Variants in TMEM132B observed in about 807,000 individuals in gnomAD.
TMEM132B encodes transmembrane protein 132B.
TMEM132B carries 18 observed loss-of-function variants against 90.8 expected under a neutral mutation model. The ratio of observed to expected loss-of-function variants is 0.20; its 90% CI spans 0.14 to 0.29. The LOEUF is 0.29. Among genes scored for constraint, TMEM132B ranks in the 10% least tolerant of loss-of-function variants. TMEM132B has a pLI of 1.00. For synonymous variants in TMEM132B, 504 were observed against 523.3 expected (o/e 0.96, Z 0.50); for missense variants, 1,096 against 1,326.8 (o/e 0.83, Z 2.70).
chr12:125,385,000 C>T (rs1012035411), intron 2 of TMEM132B, among the ~76,000 whole-genome samples: 2 of 152,128 alleles, frequency 1.3e-5, no homozygotes, highest in Non-Finnish European at 2.9e-5. Flanking sequence ...CCTCTCAGCT[C>T]CCCCAGACCC....
intron 4 of TMEM132B, among the ~76,000 whole-genome samples, chr12:125,538,752 G>A (rs1435828289): frequency 6.6e-6 from 1 of 152,130 alleles, no homozygotes; most frequent in Non-Finnish European, 1.5e-5. Flanking sequence ...GGGTTCAGGA[G>A]GTTCTTCAAG....
chr12:125,190,797 A>T (rs1386436931), intron 1 of TMEM132B, among the ~76,000 whole-genome samples: 3 of 10,016 alleles, frequency 3.0e-4, no homozygotes, highest in Admixed American at 1.2e-3. Flanking sequence ...AGGGGTGGTG[A>T]TGGTGATGGG....
At chr12:125,516,491 T>C (rs1240129038) in intron 3 of TMEM132B, among the ~76,000 whole-genome samples, 1 of 152,230 alleles carries the variant, frequency 6.6e-6, no homozygotes, top group African/African-American at 2.4e-5. Flanking sequence ...TAAAAGAAGC[T>C]CTGCCTTAAT....
chr12:125,322,681 T>A (rs1842518862), intron 1 of TMEM132B, among the ~76,000 whole-genome samples: 1 of 152,206 alleles, frequency 6.6e-6, no homozygotes, highest in Admixed American at 6.5e-5. Flanking sequence ...TGAACAAAAC[T>A]GTTAAAATAT....
chr12:125,396,068 T>C (rs938711312), intron 2 of TMEM132B, among the ~76,000 whole-genome samples: 1 of 152,182 alleles, frequency 6.6e-6, no homozygotes, highest in African/African-American at 2.4e-5. Flanking sequence ...GCCACATACA[T>C]ACCAATCCCT....
At chr12:125,645,796 T>C (rs1043515187) in intron 6 of TMEM132B, among the ~76,000 whole-genome samples, 4 of 152,170 alleles carry the variant, frequency 2.6e-5, no homozygotes, top group Non-Finnish European at 5.9e-5. Context: ...ATGAAGTTTG[T>C]GGTCATTTGT....
In TMEM132B at chr12:125,251,531, C is replaced by A. The variant is rs1398429717; in HGVS notation, c.67+64665C>A. Among the ~76,000 whole-genome samples the A allele has an allele frequency of 2.0e-5, 3 of 152,206 alleles. No homozygotes were observed. Among genetic ancestry groups the A allele is most frequent in the Non-Finnish European group, 2.9e-5 (2 of 68,042 alleles). On this transcript the variant is annotated intron_variant, in intron 1 of 8. Coordinates refer to ENST00000682704, the MANE Select transcript of TMEM132B (RefSeq NM_001366854.1). The surrounding 1 kb of genome is among the most constrained non-coding windows in gnomAD (Gnocchi z 4.4). ...AAGAAATTCGCTGCTCTCTGCCTAT[C>A]TTTGAACTCTTTTGATAGGCACTTG...
intron 1 of TMEM132B, among the ~76,000 whole-genome samples, chr12:125,210,979 G>A (rs555702514): frequency 3.3e-5 from 5 of 151,978 alleles, no homozygotes; most frequent in African/African-American, 9.7e-5. Flanking sequence ...GAAAGTACAG[G>A]AGAATCACTT....
At chr12:125,505,192 A>AC in intron 3 of TMEM132B, among the ~76,000 whole-genome samples, 1 of 148,814 alleles carries the variant, frequency 6.7e-6, no homozygotes, top group African/African-American at 2.5e-5. Context: ...AAAAAAAAAA[A>AC]AAACAGTAAG....
At chr12:125,412,199 G>C (rs1879867910) in intron 2 of TMEM132B, among the ~76,000 whole-genome samples, 1 of 152,182 alleles carries the variant, frequency 6.6e-6, no homozygotes, top group South Asian at 2.1e-4. Context: ...TCAATTCAGA[G>C]CTGATGAATG....
At chr12:125,623,095 A>T (rs1886151682) in intron 5 of TMEM132B, among the ~76,000 whole-genome samples, 1 of 152,146 alleles carries the variant, frequency 6.6e-6, no homozygotes, top group Non-Finnish European at 1.5e-5. Flanking sequence ...GTGCAGTCAG[A>T]ACTGGGGCTG....
chr12:125,485,639 C>A (rs573904224), intron 3 of TMEM132B, among the ~76,000 whole-genome samples: 3 of 152,112 alleles, frequency 2.0e-5, no homozygotes, highest in African/African-American at 7.2e-5. Context: ...AAACCCATAC[C>A]GGGTATCTCA....
At chr12:125,350,444 C>A in intron 2 of TMEM132B, 101 bp downstream of exon 2, 1 of 1,345,052 alleles carries the variant, frequency 7.4e-7, no homozygotes, top group Admixed American at 2.2e-5. Context: ...TGACTATTGT[C>A]AAAAATGAAT....
chr12:125,205,761 A>G (rs1009595910), intron 1 of TMEM132B, among the ~76,000 whole-genome samples: 1 of 152,190 alleles, frequency 6.6e-6, no homozygotes, highest in African/African-American at 2.4e-5. Flanking sequence ...ATGGCCTTTT[A>G]TGACCCAGCC....
chr12:125,274,263 T>A lies in TMEM132B; in HGVS notation c.68-75189T>A, dbSNP rs556361572. Among the ~76,000 whole-genome samples, 8 of 152,338 alleles carry A rather than the reference T, an allele frequency of 5.3e-5. No individual in the cohort carries two copies. The South Asian group carries it at 1.7e-3, about 32-fold the overall frequency. On this transcript the variant is annotated intron_variant, in intron 1 of 8. Transcript: ENST00000682704. ...GCTGTATGCTCTTCCATTCTAGGAA[T>A]GTTCCAGGATTTATCCGTTTTACAG... is the stretch of plus-strand genomic sequence containing the variant.
chr12:125,354,247 A>G (rs1276790456), intron 2 of TMEM132B, among the ~76,000 whole-genome samples: 2 of 152,238 alleles, frequency 1.3e-5, no homozygotes, highest in Admixed American at 6.5e-5. Context: ...ACAGTTTGTA[A>G]AACTGGTGGC....
intron 3 of TMEM132B, among the ~76,000 whole-genome samples, chr12:125,423,679 A>G (rs12313023): frequency 0.016 from 2,454 of 152,312 alleles, 78 homozygotes; most frequent in African/African-American, 0.056. Context: ...AGAAAATACA[A>G]TTGGGTAAAA....
At chr12:125,242,665 G>A (rs569833951) in intron 1 of TMEM132B, among the ~76,000 whole-genome samples, 3 of 152,206 alleles carry the variant, frequency 2.0e-5, no homozygotes, top group South Asian at 2.1e-4. Flanking sequence ...CCTCTAGGGT[G>A]TCTGAGGATC....
At chr12:125,517,539 G>C (rs1237101258) in intron 3 of TMEM132B, among the ~76,000 whole-genome samples, 1 of 151,914 alleles carries the variant, frequency 6.6e-6, no homozygotes, top group Non-Finnish European at 1.5e-5. Context: ...GATATTTGAA[G>C]ATTTATAGAT....
Sources: gnomAD v4.1 joint callset for allele counts (sites outside exome capture counted in the v4.1 genomes callset) on GRCh38, gnomAD v4.1.1 for gene constraint, Gnocchi (gnomAD v3.1) non-coding constraint, MANE v1.5 for transcripts, NCBI Gene and HGNC (gene_info 2026-07-23, HGNC 2026-07-21) for gene names.